Variants in CD2AP observed in about 807,000 individuals in gnomAD.
CD2AP encodes CD2-associated protein.
In CD2AP, 46 loss-of-function variants were observed where a neutral mutation model predicts 85.1. The observed-to-expected ratio is 0.54, with a 90% CI of 0.43 to 0.69. The LOEUF (loss-of-function observed/expected upper bound fraction) is 0.69. Ranked by LOEUF, CD2AP falls within the 30% of genes least tolerant of loss-of-function variation. The pLI is 0.00. For synonymous variants in CD2AP, 255 were observed against 252.9 expected (o/e 1.01, Z -0.08); for missense variants, 769 against 729.5 (o/e 1.05, Z -0.62).
At chr6:47,567,701 G>C (rs1768040882) in intron 5 of CD2AP, among the ~76,000 whole-genome samples, 1 of 152,126 alleles carries the variant, frequency 6.6e-6, no homozygotes, top group Non-Finnish European at 1.5e-5. Flanking sequence ...CAGAGGGTGA[G>C]GAAAAGCATA....
intron 4 of CD2AP, among the ~76,000 whole-genome samples, chr6:47,546,630 C>G (rs1767371732): frequency 6.6e-6 from 1 of 151,930 alleles, no homozygotes; most frequent in East Asian, 1.9e-4. Flanking sequence ...AGAAAAACTT[C>G]CCCGGCCTTG....
At chr6:47,526,169 A>G (rs1284435879) in intron 2 of CD2AP, among the ~76,000 whole-genome samples, 1 of 152,204 alleles carries the variant, frequency 6.6e-6, no homozygotes, top group Middle Eastern at 3.2e-3. Flanking sequence ...AAAATTTGCT[A>G]TTGAAATTGA....
At chr6:47,514,772 C>T (rs1211714469) in intron 2 of CD2AP, among the ~76,000 whole-genome samples, 1 of 152,130 alleles carries the variant, frequency 6.6e-6, no homozygotes, top group Non-Finnish European at 1.5e-5. Context: ...TAAAACTAGG[C>T]TGGGCGCAGT....
At chr6:47,491,271 A>ATGTGTGTG (rs57447174) in intron 1 of CD2AP, among the ~76,000 whole-genome samples, 5 of 122,476 alleles carry the variant, frequency 4.1e-5, no homozygotes, top group African/African-American at 8.0e-5. Flanking sequence ...GTGTGTGTGT[A>ATGTGTGTG]TGTGTGTGTG....
At chr6:47,619,155 A>AT (rs1769678288) in intron 17 of CD2AP, among the ~76,000 whole-genome samples, 3 of 152,212 alleles carry the variant, frequency 2.0e-5, no homozygotes, top group Admixed American at 1.3e-4. Context: ...GATTTGTGAG[A>AT]TTTTAGTGCA....
chr6:47,578,657 C>CTT (rs543172205), intron 8 of CD2AP, among the ~76,000 whole-genome samples: 4 of 143,566 alleles, frequency 2.8e-5, no homozygotes, highest in Non-Finnish European at 3.1e-5. Context: ...TTCATTATAT[C>CTT]TTTTTTTTTT....
chr6:47,538,817 A>G (rs554005644), intron 3 of CD2AP, among the ~76,000 whole-genome samples: 41 of 152,340 alleles, frequency 2.7e-4, no homozygotes, highest in African/African-American at 9.9e-4. Flanking sequence ...TCTATTTTTC[A>G]GACATGAAAT....
chr6:47,551,585 G>A (rs6458573), intron 4 of CD2AP, among the ~76,000 whole-genome samples: 91,878 of 152,000 alleles, frequency 0.6, 28,575 homozygotes, highest in Middle Eastern at 0.74. Context: ...ACTAAATCAA[G>A]GAAGATAAGT....
intron 1 of CD2AP, among the ~76,000 whole-genome samples, chr6:47,493,833 A>G (rs1765791394): frequency 6.6e-6 from 1 of 151,936 alleles, no homozygotes; most frequent in Non-Finnish European, 1.5e-5. Flanking sequence ...TTCCTTGGCT[A>G]TGTATAGTCT....
intron 11 of CD2AP, among the ~76,000 whole-genome samples, 163 bp from the exon 12 acceptor site, chr6:47,595,698 A>G (rs1358296657): frequency 6.6e-6 from 1 of 152,024 alleles, no homozygotes; most frequent in Non-Finnish European, 1.5e-5. Context: ...AAATTAAAAT[A>G]TAACTTTAAA....
intron 2 of CD2AP, among the ~76,000 whole-genome samples, chr6:47,530,047 T>C (rs995217361): frequency 6.6e-6 from 1 of 152,226 alleles, no homozygotes; most frequent in Non-Finnish European, 1.5e-5. Context: ...TTGCTAACTC[T>C]CATTTATTCT....
intron 15 of CD2AP, 39 bp from the exon 16 acceptor site, chr6:47,609,084 T>C: frequency 6.9e-7 from 1 of 1,440,352 alleles, no homozygotes; most frequent in Non-Finnish European, 9.5e-7. Flanking sequence ...GTAAATATAA[T>C]ATTAAATAAA....
intron 11 of CD2AP, among the ~76,000 whole-genome samples, chr6:47,589,565 C>CACACATATATATATAT (rs139814970): frequency 0.027 from 3,302 of 120,788 alleles, 86 homozygotes; most frequent in African/African-American, 0.058. Context: ...CACACACACA[C>CACACATATATATATAT]ATATATATAT....
chr6:47,524,119 T>C (rs777512458), intron 2 of CD2AP, among the ~76,000 whole-genome samples: 2 of 152,210 alleles, frequency 1.3e-5, no homozygotes, highest in African/African-American at 2.4e-5. Flanking sequence ...ATGTTAATGT[T>C]TGCCTTGGAC....
chr6:47,599,643 C>T (rs999507645), intron 13 of CD2AP, among the ~76,000 whole-genome samples, 200 bp downstream of exon 13: 3 of 151,968 alleles, frequency 2.0e-5, no homozygotes, highest in African/African-American at 7.2e-5. Context: ...CCTTACTGAT[C>T]AGACTTTATG....
chr6:47,566,042 C>G (rs968341775), intron 5 of CD2AP, among the ~76,000 whole-genome samples: 5 of 151,918 alleles, frequency 3.3e-5, no homozygotes, highest in Admixed American at 3.3e-4. Flanking sequence ...AGGAACATTC[C>G]TCTCTCACAG....
At chr6:47,482,887 TA>T (rs1252682468) in intron 1 of CD2AP, among the ~76,000 whole-genome samples, 6 of 152,280 alleles carry the variant, frequency 3.9e-5, no homozygotes, top group Non-Finnish European at 8.8e-5. Flanking sequence ...TTAATGTATA[TA>T]AAAAATTGTA....
chr6:47,486,301 G>A (rs1727970239), intron 1 of CD2AP, among the ~76,000 whole-genome samples: 1 of 152,130 alleles, frequency 6.6e-6, no homozygotes, highest in Admixed American at 6.5e-5. Flanking sequence ...TGACATAAAT[G>A]CTTCTGCCTC....
At position 47,606,236 on chromosome 6, in the gene CD2AP, C is replaced by T. The variant is rs1379394219; in HGVS notation, c.1489C>T (p.Pro497Ser). 6.2e-7 allele frequency: 1 copy of T among 1,611,318 alleles called. No individual in the cohort carries two copies. The highest frequency in any genetic ancestry group is 8.5e-7 in the Non-Finnish European group (1 of 1,177,772). Reference protein sequence around the residue: ...LHLTANRPKMPGRRLPGRFNG... With the variant: ...LHLTANRPKMSGRRLPGRFNG... ...TCTCACTGCAAATAGACCAAAGATG[C>T]CTGGAAGAAGGTTGCCGGGCCGTTT... The change falls in exon 14 of 18, where the codon CCT (proline) becomes TCT (serine). Residue 497 changes from proline to serine, a missense_variant. Pro to Ser is a moderately conservative substitution (Grantham distance 74). Transcript: ENST00000359314.
Sources: allele counts gnomAD v4.1 joint callset (sites outside exome capture counted in the v4.1 genomes callset), GRCh38; gene constraint gnomAD v4.1.1; transcripts MANE v1.5; gene names NCBI Gene and HGNC (gene_info 2026-07-23, HGNC 2026-07-21).